Variants in PRAG1 observed in about 807,000 individuals in gnomAD.
The protein encoded by PRAG1 is inactive tyrosine-protein kinase PRAG1.
In PRAG1, 110 loss-of-function variants were observed where a neutral mutation model predicts 95.6. That is an observed-to-expected ratio of 1.15 (90% CI 0.99 to 1.35). The LOEUF is 1.35. PRAG1 is among the 40% of genes most tolerant of loss of function. The pLI is 0.00. For synonymous variants in PRAG1, 1,052 were observed against 819.4 expected, an observed-to-expected ratio of 1.28 and a Z score of -4.85; for missense variants, 2,554 against 1,864.7, an observed-to-expected ratio of 1.37 and a Z score of -6.81.
intron 2 of PRAG1, among the ~76,000 whole-genome samples, chr8:8,380,134 G>C (rs1242056053): frequency 6.6e-6 from 1 of 151,998 alleles, no homozygotes; most frequent in East Asian, 1.9e-4. Context: ...AATAAGCCAA[G>C]CATGGTGGCA....
intron 2 of PRAG1, among the ~76,000 whole-genome samples, chr8:8,380,768 G>T (rs556625301): frequency 6.8e-6 from 1 of 147,172 alleles, no homozygotes; most frequent in South Asian, 2.1e-4. Flanking sequence ...CAGGAGAATC[G>T]CTTGAACCAG....
Position 8,380,307 on chromosome 8 carries a change from TA to T in PRAG1, c.330+1110del, listed in dbSNP as rs1800589470. Among the ~76,000 whole-genome samples, 9 of 151,538 alleles carry T rather than the reference TA, an allele frequency of 5.9e-5. No individual in the cohort carries two copies. The South Asian group carries it at 1.5e-3, about 25-fold the overall frequency. ...AATAAATAAAATAAAAATTAAAAAC[TA>T]AAAAAATAGGCCAGGCGCGGTGGCT... On this transcript the variant is annotated intron_variant, in intron 2 of 5. Coordinates refer to ENST00000615670, the MANE Select transcript of PRAG1 (RefSeq NM_001080826.3).
In PRAG1 at chr8:8,376,558, G is replaced by C. The variant is rs780411915; in HGVS notation, c.1851C>G (p.Ala617=). Reference sequence around the variant, plus strand: ...GCCGCCTCTGTTCCGAGGCTGACGAGGCGGCAGGCTGGGGACACCTGGATG... The same window carrying C: ...GCCGCCTCTGTTCCGAGGCTGACGACGCGGCAGGCTGGGGACACCTGGATG... ...SDPSRCPQPA[A]SSASEQRRPR... Residue 617 remains alanine, a synonymous_variant, in exon 3 of 6, where the codon GCC becomes GCG. Transcript: ENST00000615670. 2 of 1,609,004 alleles carry C rather than the reference G, an allele frequency of 1.2e-6. No homozygotes were observed. The highest frequency in any genetic ancestry group is 1.7e-5 in the Admixed American group (1 of 59,796).
chr8:8,385,041 T>C (rs1470304900), intron 1 of PRAG1, among the ~76,000 whole-genome samples: 1 of 152,192 alleles, frequency 6.6e-6, no homozygotes, highest in Non-Finnish European at 1.5e-5. Flanking sequence ...GCCAGATCTT[T>C]AAGATTAAAT....
Position 8,319,153 on chromosome 8 carries a change from A to G in PRAG1, c.3222T>C (p.Pro1074=). 1 of 1,605,574 alleles carries G rather than the reference A, an allele frequency of 6.2e-7. No individual in the cohort carries two copies. Among genetic ancestry groups the G allele is most frequent in the South Asian group, 1.1e-5 (1 of 90,460 alleles). The stretch of plus-strand genomic sequence containing the variant: ...GGGCAGGGGGGTGTGTGGGCAGGGC[A>G]GGCACAGGGTCCTTGGGCGCGTCGG... ...SSPDAPKDPV[P]ALPTHPPAQE... is the part of the protein sequence containing the mutation. The change falls in exon 6 of 6, where the codon CCT becomes CCC. Residue 1074 remains proline (P), a synonymous_variant. Transcript: ENST00000615670.
At chr8:8,330,003 C>T (rs1366407134) in intron 4 of PRAG1, among the ~76,000 whole-genome samples, 1 of 152,294 alleles carries the variant, frequency 6.6e-6, no homozygotes, top group African/African-American at 2.4e-5. Flanking sequence ...CAAAGAAAAG[C>T]CCTGGGGAGC....
rs755422183 is a variant in PRAG1 at position 8,377,556 on chromosome 8, A to G, written c.853T>C (p.Ser285Pro). 5 of 1,606,082 alleles carry G rather than the reference A, an allele frequency of 3.1e-6. No homozygotes were observed. In the East Asian group the frequency reaches 8.9e-5, roughly 29 times the overall value. ...TTCCCCTGCTCCCAGCACGTGGGTG[A>G]GCAGTCCCTGCCACCATGCCTGCCC... is the stretch of plus-strand genomic sequence containing the variant. ...SRGRHGGRDCSPTCWEQGKCS... is the reference protein window; with the variant it reads ...SRGRHGGRDCPPTCWEQGKCS... The change falls in exon 3 of 6, where the codon TCA (serine) becomes CCA (proline). Residue 285 changes from serine to proline, a missense_variant. By Grantham distance (74) the Ser-to-Pro change is moderately conservative. Transcript: ENST00000615670.
intron 1 of PRAG1, among the ~76,000 whole-genome samples, chr8:8,385,666 G>A (rs890622559): frequency 5.9e-5 from 9 of 152,200 alleles, no homozygotes; most frequent in African/African-American, 2.2e-4. Context: ...TGAGAGAAAC[G>A]CACACACCGT....
intron 3 of PRAG1, chr8:8,374,760 A>G (rs941558009): frequency 1.1e-6 from 1 of 949,230 alleles, no homozygotes; most frequent in Non-Finnish European, 1.3e-6. Flanking sequence ...GGCCAGTGCA[A>G]TACCAGAACA....
intron 3 of PRAG1, among the ~76,000 whole-genome samples, chr8:8,375,690 T>C (rs1409913284): frequency 6.6e-6 from 1 of 152,150 alleles, no homozygotes; most frequent in Non-Finnish European, 1.5e-5. Context: ...TTTAAAAATG[T>C]TATTATTTAA....
intron 1 of PRAG1, among the ~76,000 whole-genome samples, chr8:8,384,242 C>T (rs897485292): frequency 1.3e-5 from 2 of 152,016 alleles, no homozygotes; most frequent in African/African-American, 2.4e-5. Flanking sequence ...CTTGTTTTTG[C>T]GGAAGGGGTG....
chr8:8,384,113 A>G (rs1231649861), intron 1 of PRAG1, among the ~76,000 whole-genome samples: 2 of 152,152 alleles, frequency 1.3e-5, no homozygotes, highest in African/African-American at 2.4e-5. Context: ...TCCTCCTGAC[A>G]CTGGGCTATC....
At chr8:8,344,258 G>T (rs934725207) in intron 3 of PRAG1, among the ~76,000 whole-genome samples, 4 of 152,154 alleles carry the variant, frequency 2.6e-5, no homozygotes, top group African/African-American at 9.7e-5. Flanking sequence ...TGAAAACATT[G>T]TGGTATAGTC....
intron 3 of PRAG1, among the ~76,000 whole-genome samples, chr8:8,345,668 G>A (rs965508733): frequency 2.6e-5 from 4 of 152,096 alleles, no homozygotes; most frequent in African/African-American, 4.8e-5. Context: ...GGTGGTGTAT[G>A]CCTGTAGTCC....
At chr8:8,384,122 T>C (rs913287888) in intron 1 of PRAG1, among the ~76,000 whole-genome samples, 5 of 152,180 alleles carry the variant, frequency 3.3e-5, no homozygotes, top group African/African-American at 4.8e-5. Flanking sequence ...CACTGGGCTA[T>C]CTGAGGAGGT....
rs985891311 is a variant in PRAG1 at position 8,328,221 on chromosome 8, G to A, written c.2561C>T (p.Thr854Ile). 6.2e-7 allele frequency: 1 copy of A among 1,614,130 alleles called. No homozygotes were observed. Among genetic ancestry groups the A allele is most frequent in the African/African-American group, 1.3e-5 (1 of 74,948 alleles). The change falls in exon 5 of 6, where the codon ACC becomes ATC. Residue 854 changes from threonine to isoleucine, a missense_variant. Coordinates refer to ENST00000615670, the MANE Select transcript of PRAG1 (RefSeq NM_001080826.3). ...AAAGTGAGATTCGTCGTGGACGTTG[G>A]TTTCCGAGTGGCTTAGGTTCAGCTT... ...SPKLNLSHSETNVHDESHFSY... is the reference protein window; with the variant it reads ...SPKLNLSHSEINVHDESHFSY...
At chr8:8,339,731 T>C (rs544990668) in intron 3 of PRAG1, 96 bp from the exon 4 acceptor site, 1 of 1,255,422 alleles carries the variant, frequency 8.0e-7, no homozygotes, top group East Asian at 2.4e-5. Context: ...TCTTGAAACC[T>C]GGCCAATGTC....
intron 3 of PRAG1, among the ~76,000 whole-genome samples, chr8:8,362,506 T>G (rs1285810552): frequency 6.6e-6 from 1 of 152,036 alleles, no homozygotes; most frequent in Non-Finnish European, 1.5e-5. Flanking sequence ...GAGTTCTGAT[T>G]CCCAACCCCT....
Position 8,328,137 on chromosome 8 carries a change from A to C in PRAG1, c.2645T>G (p.Leu882Arg). ...GCCACTGCCTTTGAAAGCTTTCTCC[A>C]GAGGATCGGAAGAGGAGAAGACAGG... ...HHPVFSSSDP[L>R]EKAFKGSGHW... Residue 882 changes from leucine (L) to arginine (R), a missense_variant, in exon 5 of 6, where the codon CTG becomes CGG. Leu to Arg is a moderately radical substitution (Grantham distance 102). Coordinates refer to ENST00000615670, the MANE Select transcript of PRAG1 (RefSeq NM_001080826.3). The C allele has an allele frequency of 6.2e-7, 1 of 1,614,172 alleles. No individual in the cohort carries two copies. Among genetic ancestry groups the C allele is most frequent in the East Asian group, 2.2e-5 (1 of 44,884 alleles).
Sources: allele counts gnomAD v4.1 joint callset (sites outside exome capture counted in the v4.1 genomes callset), GRCh38; gene constraint gnomAD v4.1.1; transcripts MANE v1.5; gene names NCBI Gene and HGNC (gene_info 2026-07-23, HGNC 2026-07-21).